The following AKAP13 variants were observed in gnomAD, a reference collection of about 807,000 sequenced individuals.
AKAP13 encodes the protein A-kinase anchor protein 13.
In AKAP13, 80 loss-of-function variants were observed where a neutral mutation model predicts 264.5. The observed-to-expected ratio is 0.30, with a 90% CI of 0.25 to 0.36. The LOEUF (loss-of-function observed/expected upper bound fraction) is 0.36, where lower values mean the gene tolerates loss of function less well. Ranked by LOEUF, AKAP13 falls within the 10% of genes least tolerant of loss-of-function variation. The probability of loss-of-function intolerance (pLI) is 1.00; values close to 1 mark genes in which losing one functional copy is unlikely to be tolerated. For synonymous variants in AKAP13, 1,380 were observed against 1,250.2 expected, an observed-to-expected ratio of 1.10 and a Z score of -2.19; for missense variants, 3,712 against 3,435.2, an observed-to-expected ratio of 1.08 and a Z score of -2.01.
chr15:85,726,385 C>T (rs1364137501), intron 26 of AKAP13, 25 bp from the exon 27 acceptor site: 2 of 1,597,022 alleles, frequency 1.3e-6, no homozygotes, highest in East Asian at 4.5e-5. Context: ...GTTTTATCTT[C>T]CCTTCTCCCA....
At chr15:85,584,909 C>T (rs2079276313) in intron 7 of AKAP13, among the ~76,000 whole-genome samples, 2 of 152,150 alleles carry the variant, frequency 1.3e-5, no homozygotes, top group Admixed American at 1.3e-4. Context: ...ACTGTTCAAT[C>T]ATGAGTCCCG....
chr15:85,385,448 G>T (rs1017414983), intron 1 of AKAP13, among the ~76,000 whole-genome samples: 11 of 151,850 alleles, frequency 7.2e-5, no homozygotes, highest in African/African-American at 1.9e-4. Context: ...TCTGAGTTTT[G>T]ACAGGTGTAT....
At chr15:85,736,426 TTTG>T (rs1370503884) in intron 33 of AKAP13, among the ~76,000 whole-genome samples, 13 of 65,544 alleles carry the variant, frequency 2.0e-4, no homozygotes, top group African/African-American at 2.5e-4. Flanking sequence ...TGTTTTTTTG[TTTG>T]TTTGTTTGTT....
intron 5 of AKAP13, among the ~76,000 whole-genome samples, chr15:85,554,116 A>G (rs1262905223): frequency 1.3e-5 from 2 of 152,168 alleles, no homozygotes; most frequent in Non-Finnish European, 2.9e-5. Context: ...TAGTGATGGT[A>G]GCCCTGTAAT....
chr15:85,536,795 A>G (rs932919757), intron 4 of AKAP13: 15 of 152,296 alleles, frequency 9.8e-5, no homozygotes, highest in African/African-American at 3.6e-4. Context: ...AAGAGAACAG[A>G]TGAGTAGTTG....
intron 2 of AKAP13, among the ~76,000 whole-genome samples, chr15:85,502,900 C>T (rs1567091269): frequency 6.6e-6 from 1 of 152,060 alleles, no homozygotes; most frequent in Non-Finnish European, 1.5e-5. Flanking sequence ...TTAAGTAAAA[C>T]CAAAAAGTAA....
intron 5 of AKAP13, among the ~76,000 whole-genome samples, chr15:85,557,368 ATATT>A (rs1296574171): frequency 6.6e-6 from 1 of 152,166 alleles, no homozygotes; most frequent in Non-Finnish European, 1.5e-5. Context: ...CAATCGTTTT[ATATT>A]TATTATGTAC....
intron 3 of AKAP13, among the ~76,000 whole-genome samples, chr15:85,522,328 C>G (rs534729362): frequency 1.1e-4 from 17 of 152,168 alleles, no homozygotes; most frequent in African/African-American, 4.1e-4. Flanking sequence ...GCATATATAT[C>G]TAGAAAGGGC....
At chr15:85,662,893 C>T (rs1270496970) in intron 12 of AKAP13, among the ~76,000 whole-genome samples, 1 of 152,190 alleles carries the variant, frequency 6.6e-6, no homozygotes, top group Non-Finnish European at 1.5e-5. Flanking sequence ...AACTGAACAG[C>T]CAGATTTAAT....
rs562767898 is a variant in AKAP13, at chr15:85,486,739, CTTTTTTTT to C, written c.33+997_33+1004del. 2.8e-3 allele frequency among the ~76,000 whole-genome samples: 319 copies of C among 115,654 alleles called. 2 individuals carry two copies. The highest frequency in any genetic ancestry group is 5.9e-3 in the African/African-American group (176 of 29,748). 75.9% of individuals were successfully genotyped at this position (115,654 alleles called of 152,430 possible). A position where few individuals can be genotyped will look rare whatever the true frequency, so the allele number is the denominator to read the frequency against. On this transcript the variant is annotated intron_variant, in intron 2 of 36. Coordinates refer to ENST00000394518, the MANE Select transcript of AKAP13 (RefSeq NM_007200.5). ...ATTTTGTTATCTTAATTGTTCAGTT[CTTTTTTTT>C]TTTTTTTTTTGGATGGAGTCTGGCT... is the stretch of plus-strand genomic sequence containing the variant.
intron 1 of AKAP13, among the ~76,000 whole-genome samples, chr15:85,426,073 C>G (rs538575174): frequency 6.6e-6 from 1 of 152,332 alleles, no homozygotes; most frequent in African/African-American, 2.4e-5. Context: ...AGGACTAATT[C>G]ATCCAGACGA....
chr15:85,479,907 T>G (rs1350466466), intron 1 of AKAP13, among the ~76,000 whole-genome samples: 3 of 152,284 alleles, frequency 2.0e-5, no homozygotes, highest in Admixed American at 2.0e-4. Flanking sequence ...TTTTTATTGG[T>G]TCTAGGGACT....
intron 2 of AKAP13, among the ~76,000 whole-genome samples, chr15:85,496,074 C>A (rs2075864676): frequency 6.6e-6 from 1 of 152,180 alleles, no homozygotes; most frequent in Admixed American, 6.5e-5. Flanking sequence ...GCACTTAATA[C>A]ACATTACCTG....
At chr15:85,663,747 C>T (rs1429352748) in intron 12 of AKAP13, among the ~76,000 whole-genome samples, 1 of 152,200 alleles carries the variant, frequency 6.6e-6, no homozygotes, top group Non-Finnish European at 1.5e-5. Flanking sequence ...GAGGTTAAAT[C>T]GCTAACCTGT....
intron 8 of AKAP13, among the ~76,000 whole-genome samples, chr15:85,587,284 T>TCC (rs1253784584): frequency 6.6e-6 from 1 of 152,242 alleles, no homozygotes; most frequent in African/African-American, 2.4e-5. Context: ...TTCCAGAACT[T>TCC]CATGTAAATG....
intron 11 of AKAP13, 125 bp from the exon 12 acceptor site, chr15:85,658,412 C>A (rs1180782029): frequency 2.7e-6 from 2 of 729,904 alleles, no homozygotes; most frequent in Non-Finnish European, 4.5e-6. Context: ...TTCCTTCATT[C>A]TCTTGCCTGT....
chr15:85,398,380 C>T (rs531152031), intron 1 of AKAP13, among the ~76,000 whole-genome samples: 1 of 152,262 alleles, frequency 6.6e-6, no homozygotes, highest in East Asian at 1.9e-4. Flanking sequence ...AATGACACTA[C>T]CTAGAGAAAA....
At chr15:85,601,944 T>G (rs1035541330) in intron 8 of AKAP13, among the ~76,000 whole-genome samples, 2 of 152,118 alleles carry the variant, frequency 1.3e-5, no homozygotes, top group Admixed American at 6.6e-5. Flanking sequence ...TTGTTTTAAT[T>G]TCTGACTTAA....
At chr15:85,670,028 C>A (rs1307588557) in intron 14 of AKAP13, among the ~76,000 whole-genome samples, 198 bp downstream of exon 14, 2 of 152,098 alleles carry the variant, frequency 1.3e-5, no homozygotes, top group African/African-American at 2.4e-5. Flanking sequence ...CTAAAAATAT[C>A]CCTAATACAT....
Sources: allele counts gnomAD v4.1 joint callset (sites outside exome capture counted in the v4.1 genomes callset), GRCh38; gene constraint gnomAD v4.1.1; transcripts MANE v1.5; gene names NCBI Gene and HGNC (gene_info 2026-07-23, HGNC 2026-07-21).